Variants in LRRC4C observed in about 807,000 individuals in gnomAD.
LRRC4C encodes leucine-rich repeat-containing protein 4C.
A neutral mutation model predicts 33.6 loss-of-function variants in LRRC4C; 5 were observed. That is an observed-to-expected ratio of 0.15 (90% CI 0.08 to 0.31). The LOEUF (loss-of-function observed/expected upper bound fraction) is 0.31. LRRC4C is among the 10% of genes least tolerant of loss of function. The pLI, the probability that LRRC4C is intolerant of heterozygous loss-of-function variation, is 1.00. For synonymous variants in LRRC4C, 329 were observed against 302.0 expected, an observed-to-expected ratio of 1.09 and a Z score of -0.93; for missense variants, 560 against 796.7, an observed-to-expected ratio of 0.70 and a Z score of 3.58.
chr11:40,606,239 T>C (rs1363112671), intron 3 of LRRC4C, among the ~76,000 whole-genome samples: 1 of 152,166 alleles, frequency 6.6e-6, no homozygotes, highest in Non-Finnish European at 1.5e-5. Flanking sequence ...AGGTCACTTA[T>C]TGTAGCGCTA....
At chr11:40,394,197 G>T (rs752978976) in intron 3 of LRRC4C, among the ~76,000 whole-genome samples, 1 of 152,164 alleles carries the variant, frequency 6.6e-6, no homozygotes, top group South Asian at 2.1e-4. Flanking sequence ...AAGTTTTGAG[G>T]ACATAAAGAC....
Position 41,338,871 on chromosome 11 carries a change from A to T in LRRC4C, c.-496+120560T>A, listed in dbSNP as rs147327070. 2.1e-3 allele frequency among the ~76,000 whole-genome samples: 314 copies of T among 152,232 alleles called. 1 individual carries two copies. The highest frequency in any genetic ancestry group is 7.1e-3 in the African/African-American group (296 of 41,550). ...ATGACCTCCGGCACATTGTTTAACA[A>T]CAGATTCCATAGATTCAGATTTTTT... On this transcript the variant is annotated intron_variant, in intron 1 of 6. Coordinates refer to ENST00000528697, the MANE Select transcript of LRRC4C (RefSeq NM_001258419.2).
At chr11:40,904,878 C>T (rs1477747159) in intron 2 of LRRC4C, among the ~76,000 whole-genome samples, 1 of 152,182 alleles carries the variant, frequency 6.6e-6, no homozygotes, top group Non-Finnish European at 1.5e-5. Context: ...CTGTATCGGA[C>T]TTAAAAGTCG....
At chr11:41,143,236 A>G (rs1454123373) in intron 1 of LRRC4C, among the ~76,000 whole-genome samples, 1 of 152,164 alleles carries the variant, frequency 6.6e-6, no homozygotes. Context: ...AACTCAAAAA[A>G]AAAAAATGAA....
chr11:40,781,221 G>A (rs79000605), intron 2 of LRRC4C, among the ~76,000 whole-genome samples: 1 of 151,950 alleles, frequency 6.6e-6, no homozygotes, highest in Admixed American at 6.6e-5. Context: ...AGTAAAATCA[G>A]GGTATTATAA....
At chr11:41,386,372 G>C (rs1389577727) in intron 1 of LRRC4C, among the ~76,000 whole-genome samples, 1 of 151,602 alleles carries the variant, frequency 6.6e-6, no homozygotes, top group African/African-American at 2.4e-5. Flanking sequence ...ATAGTATAGA[G>C]AGTTCCCATA....
At chr11:40,663,070 T>G (rs186172678) in intron 2 of LRRC4C, among the ~76,000 whole-genome samples, 1 of 152,246 alleles carries the variant, frequency 6.6e-6, no homozygotes, top group East Asian at 1.9e-4. Context: ...TTGGATAAGA[T>G]AGATTTATTT....
At chr11:41,382,812 G>A (rs1191934399) in intron 1 of LRRC4C, among the ~76,000 whole-genome samples, 2 of 152,136 alleles carry the variant, frequency 1.3e-5, no homozygotes, top group South Asian at 4.1e-4. Context: ...AAGCTGGATA[G>A]AGGACGTCTC....
chr11:41,122,357 T>C (rs1426867719), intron 1 of LRRC4C, among the ~76,000 whole-genome samples: 1 of 152,174 alleles, frequency 6.6e-6, no homozygotes, highest in Non-Finnish European at 1.5e-5. Flanking sequence ...GGAATGATGC[T>C]GGAAGGCTTG....
At chr11:40,975,324 G>T (rs2137036365) in intron 1 of LRRC4C, among the ~76,000 whole-genome samples, 1 of 152,198 alleles carries the variant, frequency 6.6e-6, no homozygotes, top group African/African-American at 2.4e-5. Context: ...CACAGTGTTG[G>T]CTTAGTACTA....
At chr11:40,433,287 T>A (rs1266248373) in intron 3 of LRRC4C, among the ~76,000 whole-genome samples, 1 of 152,158 alleles carries the variant, frequency 6.6e-6, no homozygotes, top group Non-Finnish European at 1.5e-5. Flanking sequence ...GTATATATCA[T>A]CATATAATAT....
At chr11:40,221,418 A>AAT (rs1425989451) in intron 5 of LRRC4C, among the ~76,000 whole-genome samples, 2 of 152,158 alleles carry the variant, frequency 1.3e-5, no homozygotes, top group African/African-American at 4.8e-5. Context: ...TGTTTGCAGT[A>AAT]ATTGACATCA....
chr11:40,328,665 A>C (rs1185790363), intron 3 of LRRC4C, among the ~76,000 whole-genome samples: 2 of 152,212 alleles, frequency 1.3e-5, no homozygotes, highest in African/African-American at 2.4e-5. Flanking sequence ...AAAATTAGTA[A>C]TCTCACAAGT....
At chr11:40,850,004 C>A (rs982374642) in intron 2 of LRRC4C, among the ~76,000 whole-genome samples, 1 of 151,776 alleles carries the variant, frequency 6.6e-6, no homozygotes, top group Non-Finnish European at 1.5e-5. Flanking sequence ...CTTCTCTAAA[C>A]TGGTTATTCT....
intron 1 of LRRC4C, among the ~76,000 whole-genome samples, chr11:41,343,143 C>A (rs1411171882): frequency 6.6e-6 from 1 of 152,104 alleles, no homozygotes; most frequent in Non-Finnish European, 1.5e-5. Context: ...TGTATAAAAC[C>A]TTTTTCTAAG....
chr11:40,626,224 C>T (rs551319044), intron 3 of LRRC4C, among the ~76,000 whole-genome samples: 1 of 152,186 alleles, frequency 6.6e-6, no homozygotes, highest in South Asian at 2.1e-4. Context: ...TCCCAGATAT[C>T]CTGATTATTT....
intron 2 of LRRC4C, among the ~76,000 whole-genome samples, chr11:40,728,092 A>G (rs1347981046): frequency 6.6e-6 from 1 of 152,058 alleles, no homozygotes; most frequent in Non-Finnish European, 1.5e-5. Context: ...CAAAACCTCT[A>G]TGAGGTACCA....
intron 5 of LRRC4C, among the ~76,000 whole-genome samples, chr11:40,213,782 A>C (rs1863778265): frequency 6.6e-6 from 1 of 152,192 alleles, no homozygotes; most frequent in Admixed American, 6.5e-5. Flanking sequence ...TGGATACATT[A>C]AGAATGAGTT....
chr11:40,892,134 CAAAAA>C (rs58855313), intron 2 of LRRC4C, among the ~76,000 whole-genome samples: 1 of 113,946 alleles, frequency 8.8e-6, no homozygotes, highest in African/African-American at 3.5e-5. Context: ...GATTGTGTCT[CAAAAA>C]AAAAAAAAAA....
Sources: allele counts gnomAD v4.1 joint callset (sites outside exome capture counted in the v4.1 genomes callset), GRCh38; gene constraint gnomAD v4.1.1; transcripts MANE v1.5; gene names NCBI Gene and HGNC (gene_info 2026-07-23, HGNC 2026-07-21).